SPOCK1: variants seen among roughly 807,000 people sequenced by gnomAD.
SPOCK1 encodes testican-1.
Under a neutral mutation model 55.3 loss-of-function variants are expected in SPOCK1, and 23 were observed. The ratio of observed to expected loss-of-function variants is 0.42; its 90% CI spans 0.30 to 0.59. SPOCK1 has a LOEUF of 0.59. Ranked by LOEUF, SPOCK1 falls within the 20% of genes least tolerant of loss-of-function variation. The probability of loss-of-function intolerance (pLI) is 0.22; values close to 1 mark genes in which losing one functional copy is unlikely to be tolerated. For missense variants in SPOCK1, 499 were observed against 552.5 expected, an observed-to-expected ratio of 0.90 and a Z score of 0.97; for synonymous variants, 226 against 221.0, an observed-to-expected ratio of 1.02 and a Z score of -0.20.
intron 6 of SPOCK1, among the ~76,000 whole-genome samples, chr5:137,037,731 A>G (rs920158731): frequency 6.6e-6 from 1 of 152,204 alleles, no homozygotes; most frequent in African/African-American, 2.4e-5. Context: ...TTCCTGATAC[A>G]TAAATACGCG....
chr5:137,238,805 G>A (rs1444537045), intron 3 of SPOCK1, among the ~76,000 whole-genome samples: 1 of 152,148 alleles, frequency 6.6e-6, no homozygotes, highest in African/African-American at 2.4e-5. Context: ...CTTAATGGGG[G>A]CAACACTAAA....
rs929386666 is a variant in SPOCK1, at chr5:137,491,068, A to G, written c.186+7305T>C. Among the ~76,000 whole-genome samples the G allele has an allele frequency of 6.6e-5, 10 of 152,334 alleles. No individual in the cohort carries two copies. The South Asian group carries it at 1.7e-3, about 25-fold the overall frequency. ...ATATACCAGCCACTCAAAGATCACAAGTACCTACTCTGTGCCACGTGCTTA... is the reference window on the plus strand; with the variant it reads ...ATATACCAGCCACTCAAAGATCACAGGTACCTACTCTGTGCCACGTGCTTA... On this transcript the variant is annotated intron_variant, in intron 2 of 10. Transcript: ENST00000394945.
intron 4 of SPOCK1, among the ~76,000 whole-genome samples, chr5:137,118,471 T>A (rs954177792): frequency 6.6e-6 from 1 of 152,044 alleles, no homozygotes; most frequent in Non-Finnish European, 1.5e-5. Flanking sequence ...ATCCCCACCC[T>A]CACCAACCCA....
intron 6 of SPOCK1, among the ~76,000 whole-genome samples, chr5:137,030,763 G>T (rs1673592484): frequency 6.6e-6 from 1 of 152,186 alleles, no homozygotes; most frequent in Non-Finnish European, 1.5e-5. Context: ...TCCTATCAAA[G>T]ATGTGGACAA....
intron 3 of SPOCK1, among the ~76,000 whole-genome samples, chr5:137,213,772 G>A (rs1211568404): frequency 1.3e-5 from 2 of 152,210 alleles, no homozygotes; most frequent in African/African-American, 4.8e-5. Flanking sequence ...ACACCTGGGA[G>A]AATGGTTATT....
chr5:137,453,103 G>A (rs1007845176), intron 2 of SPOCK1, among the ~76,000 whole-genome samples: 1 of 152,188 alleles, frequency 6.6e-6, no homozygotes, highest in African/African-American at 2.4e-5. Flanking sequence ...TTAGAGAGCT[G>A]TGTTTTCTCC....
At chr5:137,449,006 A>G (rs1276293763) in intron 2 of SPOCK1, among the ~76,000 whole-genome samples, 1 of 152,178 alleles carries the variant, frequency 6.6e-6, no homozygotes, top group African/African-American at 2.4e-5. Flanking sequence ...TTCAGGTGTC[A>G]CTTCTCTTCC....
chr5:137,086,644 T>G (rs1752967223), intron 5 of SPOCK1, among the ~76,000 whole-genome samples: 1 of 152,176 alleles, frequency 6.6e-6, no homozygotes, highest in Admixed American at 6.5e-5. Flanking sequence ...CTGCATCCAC[T>G]GAGTAGGTCA....
At chr5:136,996,614 T>C (rs948581347) in intron 6 of SPOCK1, among the ~76,000 whole-genome samples, 2 of 152,106 alleles carry the variant, frequency 1.3e-5, no homozygotes, top group Non-Finnish European at 1.5e-5. Flanking sequence ...CAGCTAGACT[T>C]CCTGGGTCGA....
intron 2 of SPOCK1, among the ~76,000 whole-genome samples, chr5:137,490,644 T>A (rs919258860): frequency 7.9e-5 from 12 of 152,184 alleles, no homozygotes; most frequent in African/African-American, 2.9e-4. Context: ...CACCAAGTAG[T>A]GCTTAGTTGC....
intron 9 of SPOCK1, among the ~76,000 whole-genome samples, chr5:136,982,925 T>G (rs1246107646): frequency 6.6e-6 from 1 of 152,220 alleles, no homozygotes; most frequent in Non-Finnish European, 1.5e-5. Flanking sequence ...AATTGTAGGT[T>G]CATAATTATT....
intron 6 of SPOCK1, among the ~76,000 whole-genome samples, chr5:137,036,432 A>T (rs945288810): frequency 6.6e-6 from 1 of 151,926 alleles, no homozygotes; most frequent in African/African-American, 2.4e-5. Context: ...CTCCTCCCTA[A>T]GCTCTCTCTA....
chr5:137,028,637 C>G (rs1751720678), intron 6 of SPOCK1, among the ~76,000 whole-genome samples: 1 of 152,002 alleles, frequency 6.6e-6, no homozygotes, highest in African/African-American at 2.4e-5. Context: ...TCCAAACCTC[C>G]TACCTACCTA....
chr5:136,998,975 G>C (rs566640557), intron 6 of SPOCK1, among the ~76,000 whole-genome samples: 2 of 152,276 alleles, frequency 1.3e-5, no homozygotes, highest in South Asian at 4.1e-4. Context: ...GTGTAAATAA[G>C]GCACGTTCAG....
chr5:137,073,811 G>A (rs1561599344), intron 5 of SPOCK1, among the ~76,000 whole-genome samples: 1 of 152,152 alleles, frequency 6.6e-6, no homozygotes, highest in Non-Finnish European at 1.5e-5. Flanking sequence ...AATTTTGGGT[G>A]AAAGTTATTA....
chr5:137,481,096 G>A (rs1356698335), intron 2 of SPOCK1, among the ~76,000 whole-genome samples: 5 of 152,130 alleles, frequency 3.3e-5, no homozygotes, highest in African/African-American at 1.2e-4. Context: ...GTTTATTTGG[G>A]TGACAGATTC....
At position 137,225,124 on chromosome 5, in the gene SPOCK1, C is replaced by A. The variant is rs185494538; in HGVS notation, c.232+41886G>T. On this transcript the variant is annotated intron_variant, in intron 3 of 10. Transcript: ENST00000394945. ...CAGCCCAAGAGCCGCACACAGGAAA[C>A]CCAGGTGATCCTGAAATCGGCCATC... Among the ~76,000 whole-genome samples the A allele has an allele frequency of 3.0e-3, 453 of 152,082 alleles. 1 individual carries two copies. Among genetic ancestry groups the A allele is most frequent in the Admixed American group, 0.019 (287 of 15,276 alleles).
At chr5:137,398,104 A>C (rs1751895031) in intron 2 of SPOCK1, among the ~76,000 whole-genome samples, 1 of 151,922 alleles carries the variant, frequency 6.6e-6, no homozygotes, top group African/African-American at 2.4e-5. Context: ...GGCTGCCAAC[A>C]CCACCGACAC....
At chr5:137,478,657 A>C (rs1337985495) in intron 2 of SPOCK1, among the ~76,000 whole-genome samples, 1 of 152,170 alleles carries the variant, frequency 6.6e-6, no homozygotes, top group Non-Finnish European at 1.5e-5. Context: ...AGGATTTTAA[A>C]ATTGGTATAT....
Sources: allele counts gnomAD v4.1 joint callset (sites outside exome capture counted in the v4.1 genomes callset), GRCh38; gene constraint gnomAD v4.1.1; transcripts MANE v1.5; gene names NCBI Gene and HGNC (gene_info 2026-07-23, HGNC 2026-07-21).